Variants in ABCG2 observed in about 807,000 individuals in gnomAD.
The protein encoded by ABCG2 is ATP binding cassette subfamily G member 2 (JR blood group), also known as broad substrate specificity ATP-binding cassette transporter ABCG2.
A neutral mutation model predicts 73.5 loss-of-function variants in ABCG2; 80 were observed. The ratio of observed to expected loss-of-function variants is 1.09; its 90% CI spans 0.91 to 1.31. The LOEUF (loss-of-function observed/expected upper bound fraction) is 1.31. Among genes scored for constraint, ABCG2 ranks in the 50% most tolerant of loss-of-function variants. The pLI is 0.00. For missense variants in ABCG2, 796 were observed against 786.2 expected (o/e 1.01, Z -0.15); for synonymous variants, 269 against 282.4 (o/e 0.95, Z 0.48).
intron 1 of ABCG2, among the ~76,000 whole-genome samples, chr4:88,193,072 T>C (rs986337198): frequency 6.6e-6 from 1 of 151,966 alleles, no homozygotes; most frequent in African/African-American, 2.4e-5. Context: ...ATATTAAAAA[T>C]ATATAATTAT....
intron 1 of ABCG2, among the ~76,000 whole-genome samples, chr4:88,207,074 C>T (rs937621067): frequency 1.3e-5 from 2 of 152,262 alleles, no homozygotes; most frequent in Middle Eastern, 3.4e-3. Flanking sequence ...GGATTACAAG[C>T]GTGAACCAAT....
chr4:88,118,117 T>G lies in ABCG2; in HGVS notation c.833A>C (p.Glu278Ala), dbSNP rs1226021175. The change falls in exon 7 of 16, where the codon GAA becomes GCA. Residue 278 changes from glutamate (E) to alanine (A), a missense_variant. Coordinates refer to ENST00000237612, the MANE Select transcript of ABCG2 (RefSeq NM_004827.3). ...GPAQEALGYF[E>A]SAGYHCEAYN... is the part of the protein sequence containing the mutation. ...AAAAAAGTCAACCATACCAGCTGATTCAAAGTATCCCAAGGCCTCCTGAGC... is the reference window on the plus strand; with the variant it reads ...AAAAAAGTCAACCATACCAGCTGATGCAAAGTATCCCAAGGCCTCCTGAGC... 1.9e-6 allele frequency: 3 copies of G among 1,612,742 alleles called. No homozygotes were observed. The highest frequency in any genetic ancestry group is 1.7e-6 in the Non-Finnish European group (2 of 1,179,594).
chr4:88,198,433 G>A (rs1473313698), intron 1 of ABCG2, among the ~76,000 whole-genome samples: 1 of 152,120 alleles, frequency 6.6e-6, no homozygotes, highest in Non-Finnish European at 1.5e-5. Context: ...AGGAGTTCAA[G>A]ACCACCCTGC....
At chr4:88,195,134 T>TA (rs1030144581) in intron 1 of ABCG2, among the ~76,000 whole-genome samples, 1 of 152,114 alleles carries the variant, frequency 6.6e-6, no homozygotes, top group African/African-American at 2.4e-5. Context: ...CTTAGGAGGC[T>TA]AAGGTGGGAG....
intron 1 of ABCG2, among the ~76,000 whole-genome samples, chr4:88,187,713 G>T (rs1388618318): frequency 6.6e-6 from 1 of 152,136 alleles, no homozygotes. Flanking sequence ...AATATCTCAT[G>T]TAACCCATAA....
intron 5 of ABCG2, among the ~76,000 whole-genome samples, chr4:88,129,708 A>C (rs946890628): frequency 1.3e-4 from 20 of 152,320 alleles, no homozygotes; most frequent in Non-Finnish European, 2.8e-4. Flanking sequence ...AGAACATCTC[A>C]TTCTTCATTG....
At chr4:88,160,433 A>G (rs749654896), upstream of ABCG2, among the ~76,000 whole-genome samples, 2 of 152,214 alleles carry the variant, frequency 1.3e-5, no homozygotes, top group African/African-American at 2.4e-5. Flanking sequence ...AAGGCACTAC[A>G]GGAGGAGACT....
At chr4:88,152,865 G>C (rs577956817) in intron 1 of ABCG2, among the ~76,000 whole-genome samples, 3 of 152,108 alleles carry the variant, frequency 2.0e-5, no homozygotes, top group African/African-American at 7.2e-5. Flanking sequence ...GATTAGGGGC[G>C]GCGTGGGAAC....
chr4:88,168,625 C>T (rs2110091392), intron 1 of ABCG2, among the ~76,000 whole-genome samples: 1 of 150,884 alleles, frequency 6.6e-6, no homozygotes, highest in Non-Finnish European at 1.5e-5. Flanking sequence ...GAGTATATAA[C>T]ATTTGTCTCT....
rs754610135 is a variant in ABCG2, at chr4:88,099,328, C to T, written c.1488G>A (p.Met496Ile). ...TTTGTTTTGTTACATACTTACCTAA[C>T]ATGAAGTACACTATACAGGTAAATA... is the stretch of plus-strand genomic sequence containing the variant. The part of the protein sequence containing the change: ...SIIFTCIVYF[M>I]LGLKPKADAF... Residue 496 changes from methionine (M) to isoleucine (I), a missense_variant, in exon 12 of 16, where the codon ATG becomes ATA. Physicochemically the swap from Met to Ile is conservative, Grantham distance 10. Coordinates refer to ENST00000237612, the MANE Select transcript of ABCG2 (RefSeq NM_004827.3). 3.1e-6 allele frequency: 5 copies of T among 1,591,556 alleles called. No individual in the cohort carries two copies. In the African/African-American group the frequency reaches 6.8e-5, roughly 22 times the overall value.
chr4:88,229,065 C>T (rs565802012), intron 1 of ABCG2, among the ~76,000 whole-genome samples: 2 of 152,340 alleles, frequency 1.3e-5, no homozygotes, highest in African/African-American at 4.8e-5. Context: ...CTTGGGTCCC[C>T]TTCCACACTG....
At chr4:88,165,733 G>T (rs1363687265) in intron 1 of ABCG2, among the ~76,000 whole-genome samples, 4 of 152,158 alleles carry the variant, frequency 2.6e-5, no homozygotes, top group Non-Finnish European at 5.9e-5. Flanking sequence ...AATTAAGCGG[G>T]CATGGTGGCA....
chr4:88,123,979 A>G (rs894386035), intron 5 of ABCG2, among the ~76,000 whole-genome samples: 4 of 152,348 alleles, frequency 2.6e-5, no homozygotes, highest in East Asian at 3.9e-4. Context: ...CAGAAACCCT[A>G]TAAGTCAGAA....
rs112124324 is a variant in ABCG2, at chr4:88,212,743, C to G, written c.-20+18251G>C. On this transcript the variant is annotated intron_variant, in intron 1 of 15. Transcript: ENST00000515655. ...TTATAATTACATCCTTGCAAATGCC[C>G]TCAGCTCCTCTGCTCCCCTTTTGCT... is the stretch of plus-strand genomic sequence containing the variant. 1.9e-3 allele frequency among the ~76,000 whole-genome samples: 291 copies of G among 152,218 alleles called. 1 individual carries two copies. Among genetic ancestry groups the G allele is most frequent in the African/African-American group, 6.5e-3 (271 of 41,518 alleles).
intron 1 of ABCG2, among the ~76,000 whole-genome samples, chr4:88,152,937 G>C (rs1294414362): frequency 6.6e-6 from 1 of 152,078 alleles, no homozygotes; most frequent in Admixed American, 6.6e-5. Context: ...TTGTGGGGTT[G>C]TTAGAAGAAA....
intron 1 of ABCG2, among the ~76,000 whole-genome samples, chr4:88,188,209 C>T (rs181740995): frequency 6.6e-6 from 1 of 152,248 alleles, no homozygotes; most frequent in Non-Finnish European, 1.5e-5. Flanking sequence ...ATCCAGTTTT[C>T]CCAGCCTCAT....
chr4:88,178,143 C>G (rs1021798427), intron 1 of ABCG2, among the ~76,000 whole-genome samples: 2 of 152,180 alleles, frequency 1.3e-5, no homozygotes, highest in Admixed American at 1.3e-4. Context: ...GGCAGTGCAG[C>G]TCACAGCTCT....
intron 1 of ABCG2, among the ~76,000 whole-genome samples, chr4:88,176,775 A>C (rs1728004567): frequency 6.6e-6 from 1 of 151,094 alleles, no homozygotes; most frequent in Admixed American, 6.6e-5. Flanking sequence ...TATAGGTATA[A>C]GCCACTGTAC....
chr4:88,164,376 G>A (rs565189228), intron 1 of ABCG2, among the ~76,000 whole-genome samples: 1 of 152,254 alleles, frequency 6.6e-6, no homozygotes, highest in East Asian at 1.9e-4. Flanking sequence ...ATCTTGAATT[G>A]TACTTCCCAT....
Sources: allele counts gnomAD v4.1 joint callset (sites outside exome capture counted in the v4.1 genomes callset), GRCh38; gene constraint gnomAD v4.1.1; transcripts MANE v1.5; gene names NCBI Gene and HGNC (gene_info 2026-07-23, HGNC 2026-07-21).